ANOS1: variants seen among roughly 807,000 people sequenced by gnomAD.
The protein encoded by ANOS1 is anosmin 1, also known as anosmin-1.
ANOS1 carries 6 observed loss-of-function variants against 59.0 expected under a neutral mutation model. The observed-to-expected ratio is 0.10, with a 90% CI of 0.06 to 0.20. The LOEUF (loss-of-function observed/expected upper bound fraction) is 0.20. Among genes scored for constraint, ANOS1 ranks in the 10% least tolerant of loss-of-function variants. The pLI is 1.00. For synonymous variants in ANOS1, 217 were observed against 223.4 expected (o/e 0.97, Z 0.25); for missense variants, 433 against 542.3 (o/e 0.80, Z 2.00).
At chrX:8,702,892 T>C (rs959138859) in intron 1 of ANOS1, among the ~76,000 whole-genome samples, 1 of 112,033 alleles carries the variant, frequency 8.9e-6, no homozygotes, top group Non-Finnish European at 1.9e-5. Context: ...TTCAGCACCA[T>C]CTTGGTTGGA....
chrX:8,549,311 T>C (rs771129363), intron 9 of ANOS1, among the ~76,000 whole-genome samples: 1 of 112,376 alleles, frequency 8.9e-6, no homozygotes, highest in Admixed American at 9.5e-5. Flanking sequence ...TGTATATGTG[T>C]ACATATCTAT....
At position 8,695,158 on chromosome X, in the gene ANOS1, A is replaced by G. The variant is rs925028018; in HGVS notation, c.255+4540T>C. 5.4e-5 allele frequency among the ~76,000 whole-genome samples: 6 copies of G among 111,584 alleles called. No homozygotes were observed. In the South Asian group the frequency reaches 2.3e-3, roughly 42 times the overall value. Reference sequence around the variant, plus strand: ...AAAACCCCATCTCTACTAAAAATACAAAAATTAGCTGGGCATGGTGGCAGG... The same window carrying G: ...AAAACCCCATCTCTACTAAAAATACGAAAATTAGCTGGGCATGGTGGCAGG... On this transcript the variant is annotated intron_variant, in intron 2 of 13. Coordinates refer to ENST00000262648, the MANE Select transcript of ANOS1 (RefSeq NM_000216.4).
At chrX:8,667,585 G>C (rs1176777914) in intron 2 of ANOS1, among the ~76,000 whole-genome samples, 1 of 111,874 alleles carries the variant, frequency 8.9e-6, no homozygotes, top group Non-Finnish European at 1.9e-5. Flanking sequence ...GTGGGCCGGG[G>C]CTTGCACAGT....
At chrX:8,576,192 A>C (rs367603117) in intron 6 of ANOS1, among the ~76,000 whole-genome samples, 2 of 110,817 alleles carry the variant, frequency 1.8e-5, no homozygotes, top group East Asian at 5.6e-4. Flanking sequence ...CTCCTCTGTA[A>C]ACCAGCCATT....
At position 8,698,686 on chromosome X, in the gene ANOS1, G is replaced by T. The variant is rs1011489258; in HGVS notation, c.255+1012C>A. Among the ~76,000 whole-genome samples, 18 of 111,628 alleles carry T rather than the reference G, an allele frequency of 1.6e-4. No homozygotes were observed. In the East Asian group the frequency reaches 2.8e-3, roughly 17 times the overall value. ...CTAGTATCTAGACAGTCAGAGATAA[G>T]CAAAGCTTATCTTCATCAAATTATT... On this transcript the variant is annotated intron_variant, in intron 2 of 13. Transcript: ENST00000262648.
At chrX:8,587,725 T>C in intron 5 of ANOS1, 69 bp downstream of exon 5, 1 of 903,591 alleles carries the variant, frequency 1.1e-6, no homozygotes, top group Non-Finnish European at 1.6e-6. Context: ...GCAAGTTAAT[T>C]TTTTGTGCGT....
rs758755747 is a variant in ANOS1, at chrX:8,587,244, T to A, written c.726+550A>T. Among the ~76,000 whole-genome samples, 141 of 111,309 alleles carry A rather than the reference T, an allele frequency of 1.3e-3. 3 individuals carry two copies. The highest frequency in any genetic ancestry group is 1.8e-3 in the Admixed American group (19 of 10,403). ...GAGGAGGAAGCACTCTCTGGGAGTG[T>A]TGCCATGCAGGTGGTATATCAGTTT... On this transcript the variant is annotated intron_variant, in intron 5 of 13. Transcript: ENST00000262648.
At chrX:8,683,451 T>A (rs1052275405) in intron 2 of ANOS1, among the ~76,000 whole-genome samples, 1 of 110,850 alleles carries the variant, frequency 9.0e-6, no homozygotes, top group African/African-American at 3.3e-5. Flanking sequence ...TGCCTCTCAC[T>A]CAAACGGCAG....
At chrX:8,686,556 A>G (rs923900560) in intron 2 of ANOS1, among the ~76,000 whole-genome samples, 1 of 112,454 alleles carries the variant, frequency 8.9e-6, no homozygotes, top group African/African-American at 3.2e-5. Flanking sequence ...GACCAATTGT[A>G]AGAGGAAAAC....
intron 2 of ANOS1, among the ~76,000 whole-genome samples, chrX:8,688,758 T>C (rs1302524082): frequency 8.9e-6 from 1 of 112,169 alleles, no homozygotes; most frequent in Non-Finnish European, 1.9e-5. Flanking sequence ...TTCCCTTATA[T>C]ATTGATTGTG....
At chrX:8,585,610 G>T (rs1930498345) in intron 5 of ANOS1, among the ~76,000 whole-genome samples, 1 of 111,908 alleles carries the variant, frequency 8.9e-6, no homozygotes, top group Non-Finnish European at 1.9e-5. Flanking sequence ...AACATCTCTT[G>T]AAGTCAAAAC....
intron 6 of ANOS1, among the ~76,000 whole-genome samples, chrX:8,576,493 C>CACAT (rs1930328323): frequency 1.0e-5 from 1 of 98,795 alleles, no homozygotes; most frequent in African/African-American, 4.1e-5. Context: ...CACACACATA[C>CACAT]ACACACACAC....
At chrX:8,562,233 G>A (rs933672266) in intron 8 of ANOS1, among the ~76,000 whole-genome samples, 3 of 111,528 alleles carry the variant, frequency 2.7e-5, no homozygotes, top group Admixed American at 9.5e-5. Flanking sequence ...GAGCTACCGC[G>A]CCCAGCCCTA....
At chrX:8,568,189 A>G in intron 8 of ANOS1, 43 bp downstream of exon 8, 1 of 1,188,374 alleles carries the variant, frequency 8.4e-7, no homozygotes, top group South Asian at 1.8e-5. Flanking sequence ...TATGGCGCCC[A>G]TCATGTCACA....
intron 4 of ANOS1, among the ~76,000 whole-genome samples, chrX:8,589,911 G>T (rs765773496): frequency 8.9e-6 from 1 of 111,840 alleles, no homozygotes; most frequent in South Asian, 3.8e-4. Flanking sequence ...GAACCTTTTT[G>T]ATATGTTCTT....
chrX:8,662,715 C>T (rs966562189), intron 2 of ANOS1, among the ~76,000 whole-genome samples: 1 of 112,375 alleles, frequency 8.9e-6, no homozygotes. Context: ...CAGAGATACA[C>T]ATAGAGGGAA....
At chrX:8,699,573 G>T (rs1030934489) in intron 2 of ANOS1, 125 bp downstream of exon 2, 2 of 445,318 alleles carry the variant, frequency 4.5e-6, no homozygotes, top group Non-Finnish European at 7.7e-6. Flanking sequence ...TACTTAAAGT[G>T]TAACCATTGG....
chrX:8,725,286 A>AC (rs1467766644), intron 1 of ANOS1, among the ~76,000 whole-genome samples: 11 of 110,202 alleles, frequency 1.0e-4, no homozygotes, highest in Non-Finnish European at 2.1e-4. Flanking sequence ...TACAAGCAGT[A>AC]CCCCCTAACA....
At chrX:8,646,869 G>A (rs900743565) in intron 2 of ANOS1, among the ~76,000 whole-genome samples, 43 of 104,011 alleles carry the variant, frequency 4.1e-4, no homozygotes, top group African/African-American at 1.3e-3. Context: ...GGAGGTGGAG[G>A]TTATAGTGAG....
Sources: gnomAD v4.1 joint callset for allele counts (sites outside exome capture counted in the v4.1 genomes callset) on GRCh38, gnomAD v4.1.1 for gene constraint, MANE v1.5 for transcripts, NCBI Gene and HGNC (gene_info 2026-07-23, HGNC 2026-07-21) for gene names.